The following MACROD2 variants were observed in gnomAD, a reference collection of about 807,000 sequenced individuals.
The protein encoded by MACROD2 is mono-ADP ribosylhydrolase 2.
A neutral mutation model predicts 70.4 loss-of-function variants in MACROD2; 36 were observed. That is an observed-to-expected ratio of 0.51 (90% CI 0.39 to 0.68). The LOEUF (loss-of-function observed/expected upper bound fraction) is 0.68, where lower values mean the gene tolerates loss of function less well. Ranked by LOEUF, MACROD2 falls within the 30% of genes least tolerant of loss-of-function variation. MACROD2 has a pLI of 0.00. For synonymous variants in MACROD2, 172 were observed against 178.8 expected, an observed-to-expected ratio of 0.96 and a Z score of 0.30; for missense variants, 496 against 538.4, an observed-to-expected ratio of 0.92 and a Z score of 0.78.
chr20:14,981,021 AGTGTGTGTGT>A lies in MACROD2; in HGVS notation c.419-248897_419-248888del, dbSNP rs11468972. On this transcript the variant is annotated intron_variant, in intron 5 of 17. Transcript: ENST00000684519. ...GCCAGAAGGATCCTTTACAAAAAGAAGTGTGTGTGTGTGTGTGTGTGTGTGTGTGTGCATG... is the reference window on the plus strand; with the variant it reads ...GCCAGAAGGATCCTTTACAAAAAGAAGTGTGTGTGTGTGTGTGTGTGCATG... 6.9e-3 allele frequency among the ~76,000 whole-genome samples: 989 copies of A among 143,744 alleles called. 3 individuals carry two copies. The highest frequency in any genetic ancestry group is 0.018 in the Middle Eastern group (5 of 276). 94.3% of individuals were successfully genotyped at this position (143,744 alleles called of 152,430 possible). A position where few individuals can be genotyped will look rare whatever the true frequency, so the allele number is the denominator to read the frequency against.
At chr20:15,506,906 A>G (rs1283098924) in intron 8 of MACROD2, among the ~76,000 whole-genome samples, 1 of 152,168 alleles carries the variant, frequency 6.6e-6, no homozygotes, top group African/African-American at 2.4e-5. Flanking sequence ...CTGAGTACCT[A>G]TTATGGTCTT....
At chr20:14,192,250 TA>T (rs760925613) in intron 3 of MACROD2, among the ~76,000 whole-genome samples, 28 of 152,142 alleles carry the variant, frequency 1.8e-4, no homozygotes, top group Non-Finnish European at 4.0e-4. Context: ...CCTACTAACC[TA>T]AACATTTCTT....
chr20:15,401,162 C>T (rs1200518087), intron 6 of MACROD2, among the ~76,000 whole-genome samples: 3 of 152,004 alleles, frequency 2.0e-5, no homozygotes, highest in Admixed American at 1.3e-4. Flanking sequence ...CTCAGCCTCC[C>T]GAGTAGCTGG....
intron 4 of MACROD2, among the ~76,000 whole-genome samples, chr20:14,668,220 C>T (rs760613299): frequency 1.3e-5 from 2 of 151,812 alleles, no homozygotes; most frequent in African/African-American, 4.8e-5. Context: ...CTTTGTGTAG[C>T]GTCCTTTCAG....
intron 8 of MACROD2, among the ~76,000 whole-genome samples, chr20:15,672,544 T>A (rs758263082): frequency 6.6e-6 from 1 of 152,160 alleles, no homozygotes; most frequent in Admixed American, 6.5e-5. Context: ...GCTCCCATTC[T>A]CACTCCAGGT....
chr20:15,825,465 C>A (rs1294702042), intron 8 of MACROD2, among the ~76,000 whole-genome samples: 3 of 151,000 alleles, frequency 2.0e-5, no homozygotes, highest in African/African-American at 7.3e-5. Context: ...TCCACCCATC[C>A]AATTGTAGAC....
At chr20:15,622,623 G>A (rs576870483) in intron 8 of MACROD2, among the ~76,000 whole-genome samples, 72 of 152,288 alleles carry the variant, frequency 4.7e-4, no homozygotes, top group African/African-American at 1.7e-3. Context: ...ACTCAGAACA[G>A]TGTGCAATTT....
intron 5 of MACROD2, among the ~76,000 whole-genome samples, chr20:14,791,629 CAA>C (rs1302007430): frequency 1.3e-5 from 2 of 152,000 alleles, no homozygotes; most frequent in African/African-American, 4.8e-5. Flanking sequence ...AGACATGAAT[CAA>C]AGACTCTTGA....
chr20:15,644,915 C>T (rs1243777500), intron 8 of MACROD2, among the ~76,000 whole-genome samples: 1 of 152,080 alleles, frequency 6.6e-6, no homozygotes, highest in Non-Finnish European at 1.5e-5. Flanking sequence ...GTCTCGAACC[C>T]CTGACCTAGG....
intron 2 of MACROD2, among the ~76,000 whole-genome samples, chr20:14,002,624 A>G (rs2052748397): frequency 6.6e-6 from 1 of 152,156 alleles, no homozygotes; most frequent in Non-Finnish European, 1.5e-5. Flanking sequence ...CATTTATAAT[A>G]TGGTACTTTT....
intron 3 of MACROD2, among the ~76,000 whole-genome samples, chr20:14,279,042 G>T (rs2082282735): frequency 6.6e-6 from 1 of 152,152 alleles, no homozygotes; most frequent in African/African-American, 2.4e-5. Flanking sequence ...GATATTGGAG[G>T]CCATTAGAGG....
At chr20:15,025,648 G>A (rs1185074431) in intron 5 of MACROD2, among the ~76,000 whole-genome samples, 3 of 152,116 alleles carry the variant, frequency 2.0e-5, no homozygotes, top group Non-Finnish European at 4.4e-5. Flanking sequence ...GTACAGTAGG[G>A]TTTCTCAGTT....
At chr20:14,695,363 A>T (rs1040886780) in intron 5 of MACROD2, among the ~76,000 whole-genome samples, 76 of 152,256 alleles carry the variant, frequency 5.0e-4, no homozygotes, top group African/African-American at 1.8e-3. Context: ...TTATAAGGAC[A>T]CTTGTCACTG....
chr20:15,971,800 A>G (rs2066234744), intron 13 of MACROD2, among the ~76,000 whole-genome samples: 2 of 152,276 alleles, frequency 1.3e-5, no homozygotes, highest in South Asian at 4.1e-4. Flanking sequence ...CATCCATGGA[A>G]CTGTGGCTCA....
chr20:14,655,357 G>T (rs907080524), intron 4 of MACROD2, among the ~76,000 whole-genome samples: 2 of 147,144 alleles, frequency 1.4e-5, no homozygotes, highest in South Asian at 2.2e-4. Flanking sequence ...GTGTGTGTGT[G>T]TTTTGAGGGT....
intron 15 of MACROD2, among the ~76,000 whole-genome samples, chr20:15,995,654 T>TTTTTTTTTTC: frequency 7.7e-6 from 1 of 129,862 alleles, no homozygotes; most frequent in Admixed American, 7.6e-5. Flanking sequence ...CCGGCCTTTT[T>TTTTTTTTTTC]TTTTTTTTTT....
At chr20:15,732,163 G>A (rs1481897328) in intron 8 of MACROD2, among the ~76,000 whole-genome samples, 21 of 151,630 alleles carry the variant, frequency 1.4e-4, no homozygotes, top group Admixed American at 1.4e-3. Context: ...GGCAGCGGAG[G>A]GTTGAGCAGG....
intron 8 of MACROD2, among the ~76,000 whole-genome samples, chr20:15,788,908 C>T (rs1158625612): frequency 6.6e-6 from 1 of 152,048 alleles, no homozygotes; most frequent in African/African-American, 2.4e-5. Context: ...TCTTCATTAC[C>T]CTTTATGAAA....
chr20:15,857,906 A>G (rs1181173627), intron 8 of MACROD2, among the ~76,000 whole-genome samples: 1 of 152,198 alleles, frequency 6.6e-6, no homozygotes, highest in Admixed American at 6.5e-5. Context: ...AGGTGATATC[A>G]CAGAAAAAAC....
Sources: allele counts gnomAD v4.1 joint callset (sites outside exome capture counted in the v4.1 genomes callset), GRCh38; gene constraint gnomAD v4.1.1; transcripts MANE v1.5; gene names NCBI Gene and HGNC (gene_info 2026-07-23, HGNC 2026-07-21).